RIIAD1: variants seen among roughly 807,000 people sequenced by gnomAD.
RIIAD1 encodes the protein RIIa domain-containing protein 1.
A neutral mutation model predicts 13.3 loss-of-function variants in RIIAD1; 15 were observed. That is an observed-to-expected ratio of 1.13 (90% CI 0.76 to 1.74). The LOEUF is 1.74. Ranked by LOEUF, RIIAD1 falls within the 40% of genes most tolerant of loss-of-function variation. RIIAD1 has a pLI of 0.00. For missense variants in RIIAD1, 121 were observed against 112.2 expected (o/e 1.08, Z -0.35); for synonymous variants, 50 against 43.3 (o/e 1.16, Z -0.61).
intron 4 of RIIAD1, chr1:151,715,685 T>C (rs1558113152): frequency 2.0e-5 from 30 of 1,530,348 alleles, no homozygotes; most frequent in Non-Finnish European, 2.5e-5. Flanking sequence ...AGGCCCTCCT[T>C]AGTCCTTCAC....
chr1:151,716,753 A>G (rs1319700742), upstream of RIIAD1: 2 of 447,540 alleles, frequency 4.5e-6, no homozygotes, highest in African/African-American at 4.6e-5. Flanking sequence ...TTTCCCGGTC[A>G]CCTGGGTCCC....
chr1:151,713,142 C>T (rs553024681), intron 2 of RIIAD1, among the ~76,000 whole-genome samples: 1 of 152,190 alleles, frequency 6.6e-6, no homozygotes, highest in Non-Finnish European at 1.5e-5. Context: ...GGATTCTGTC[C>T]CCTGGGACAA....
intron 3 of RIIAD1, chr1:151,713,575 A>G (rs1351951311): frequency 6.6e-6 from 1 of 152,114 alleles, no homozygotes; most frequent in Non-Finnish European, 1.5e-5. Flanking sequence ...GCAAGTTGGG[A>G]CTGGATGGGG....
upstream of RIIAD1, chr1:151,719,755 C>T: frequency 1.6e-6 from 1 of 644,066 alleles, no homozygotes; most frequent in Non-Finnish European, 2.8e-6. Flanking sequence ...AAAAAGTAGC[C>T]CCTCTCATAC....
chr1:151,714,846 T>A (rs1398810583), intron 4 of RIIAD1, among the ~76,000 whole-genome samples: 1 of 151,602 alleles, frequency 6.6e-6, no homozygotes, highest in East Asian at 1.9e-4. Context: ...GCCCCAGAAG[T>A]GGGGCAGACA....
intron 2 of RIIAD1, among the ~76,000 whole-genome samples, chr1:151,726,729 C>T (rs539357498): frequency 6.6e-6 from 1 of 152,302 alleles, no homozygotes; most frequent in African/African-American, 2.4e-5. Flanking sequence ...AACCATAAAA[C>T]TCTATGCAAT....
chr1:151,728,652 C>G, intron 3 of RIIAD1, 114 bp from the exon 4 acceptor site: 1 of 692,018 alleles, frequency 1.4e-6, no homozygotes, highest in South Asian at 1.5e-5. Flanking sequence ...CCAGTAGTAG[C>G]AGTCCTGCGT....
chr1:151,722,600 T>C (rs1673758095), intron 2 of RIIAD1, among the ~76,000 whole-genome samples: 2 of 152,094 alleles, frequency 1.3e-5, no homozygotes, highest in South Asian at 2.1e-4. Flanking sequence ...CATATCCTAA[T>C]GGGATGAAGA....
At chr1:151,728,736 A>G (rs1647236232) in intron 3 of RIIAD1, 30 bp from the exon 4 acceptor site, 2 of 1,338,614 alleles carry the variant, frequency 1.5e-6, no homozygotes, top group Non-Finnish European at 1.0e-6. Flanking sequence ...TTGGGTATAG[A>G]TGATGTCTTC....
chr1:151,728,901 T>C lies in RIIAD1; in HGVS notation c.*57+8T>C. On this transcript the variant is annotated splice_region_variant and intron_variant, in intron 4 of 4. Transcript: ENST00000479191. ...ACGGAATCCAGCCTCGGGGTGGGTG[T>C]TAACCTCACTTACAGACAGAGGCTT... 1 of 845,294 alleles carries C rather than the reference T, an allele frequency of 1.2e-6. No individual in the cohort carries two copies. Among genetic ancestry groups the C allele is most frequent in the Non-Finnish European group, 2.0e-6 (1 of 503,608 alleles). The allele number at this position is 845,294 out of a possible 1,614,324, so 52.4% of individuals were successfully genotyped here. A position where few individuals can be genotyped will look rare whatever the true frequency, so the allele number is the denominator to read the frequency against.
intron 3 of RIIAD1, chr1:151,728,487 G>A (rs1673871243): frequency 1.1e-5 from 3 of 285,338 alleles, no homozygotes; most frequent in Non-Finnish European, 1.8e-5. Flanking sequence ...TAGGTGGGGG[G>A]TGGGGGGTGG....
chr1:151,716,751 T>C (rs1260547635), upstream of RIIAD1: 10 of 452,218 alleles, frequency 2.2e-5, no homozygotes, highest in Admixed American at 2.2e-4. Flanking sequence ...GCTTTCCCGG[T>C]CACCTGGGTC....
intron 2 of RIIAD1, among the ~76,000 whole-genome samples, chr1:151,725,076 G>A (rs1187288967): frequency 6.7e-6 from 1 of 150,278 alleles, no homozygotes; most frequent in African/African-American, 2.5e-5. Flanking sequence ...CCAAAGTGCT[G>A]GGATTACAGG....
intron 4 of RIIAD1, among the ~76,000 whole-genome samples, chr1:151,729,106 A>G (rs981788204): frequency 6.6e-6 from 1 of 152,130 alleles, no homozygotes; most frequent in Non-Finnish European, 1.5e-5. Flanking sequence ...GAAGCTTCTT[A>G]ATGTAGTGGA....
chr1:151,716,431 G>A, intron 4 of RIIAD1: 1 of 285,306 alleles, frequency 3.5e-6, no homozygotes, highest in Non-Finnish European at 6.9e-6. Context: ...GAGGGTGATG[G>A]GGAGGAGACT....
At chr1:151,719,552 T>C, upstream of RIIAD1, 1 of 687,430 alleles carries the variant, frequency 1.5e-6, no homozygotes, top group South Asian at 1.5e-5. Flanking sequence ...GTGGGCAGAG[T>C]GGCTAGTCAT....
intron 2 of RIIAD1, among the ~76,000 whole-genome samples, chr1:151,723,330 G>T (rs955838568): frequency 3.3e-5 from 5 of 152,042 alleles, no homozygotes; most frequent in African/African-American, 1.2e-4. Flanking sequence ...GGAGGCAAAG[G>T]TTGCAGTGAG....
At chr1:151,714,305 C>T (rs938799389) in intron 3 of RIIAD1, 14 of 580,944 alleles carry the variant, frequency 2.4e-5, no homozygotes, top group Admixed American at 6.1e-5. Flanking sequence ...TTCCAACCAG[C>T]GAGTCCTCCC....
intron 4 of RIIAD1, chr1:151,716,086 C>T: frequency 5.3e-6 from 8 of 1,505,664 alleles, no homozygotes; most frequent in Non-Finnish European, 7.1e-6. Flanking sequence ...GGGAGCTGCC[C>T]AGCAAGGAGA....
Sources: allele counts gnomAD v4.1 joint callset (sites outside exome capture counted in the v4.1 genomes callset), GRCh38; gene constraint gnomAD v4.1.1; transcripts MANE v1.5; gene names NCBI Gene and HGNC (gene_info 2026-07-23, HGNC 2026-07-21).